The following DLGAP1 variants were observed in gnomAD, a reference collection of about 807,000 sequenced individuals.
The protein encoded by DLGAP1 is DLG associated protein 1.
A neutral mutation model predicts 90.8 loss-of-function variants in DLGAP1; 11 were observed. The ratio of observed to expected loss-of-function variants is 0.12; its 90% CI spans 0.08 to 0.20. The LOEUF is 0.20. Ranked by LOEUF, DLGAP1 falls within the 10% of genes least tolerant of loss-of-function variation. The pLI, the probability that DLGAP1 is intolerant of heterozygous loss-of-function variation, is 1.00. For synonymous variants in DLGAP1, 558 were observed against 540.7 expected, an observed-to-expected ratio of 1.03 and a Z score of -0.44; for missense variants, 1,050 against 1,333.8, an observed-to-expected ratio of 0.79 and a Z score of 3.31.
chr18:3,646,183 C>T (rs1435436356), intron 7 of DLGAP1, among the ~76,000 whole-genome samples: 1 of 152,064 alleles, frequency 6.6e-6, no homozygotes, highest in East Asian at 1.9e-4. Flanking sequence ...ATAGCTTGAA[C>T]CCAGGAGTTT....
chr18:4,255,113 C>T (rs975044457), intron 1 of DLGAP1, among the ~76,000 whole-genome samples: 5 of 152,178 alleles, frequency 3.3e-5, no homozygotes, highest in South Asian at 2.1e-4. Flanking sequence ...TACGTACGCC[C>T]GATTAAAACC....
chr18:3,740,381 C>G (rs1333398796), intron 6 of DLGAP1, among the ~76,000 whole-genome samples: 2 of 152,150 alleles, frequency 1.3e-5, no homozygotes, highest in Non-Finnish European at 2.9e-5. Flanking sequence ...CAAGCAGTAA[C>G]CAGCACGAAT....
intron 1 of DLGAP1, among the ~76,000 whole-genome samples, chr18:4,307,643 G>A (rs509374): frequency 0.49 from 73,681 of 151,328 alleles, 21,043 homozygotes; most frequent in Non-Finnish European, 0.63. Context: ...CAGGCGGCAG[G>A]GCCTGCAGTC....
At chr18:3,658,504 T>C (rs2059577482) in intron 7 of DLGAP1, among the ~76,000 whole-genome samples, 1 of 152,202 alleles carries the variant, frequency 6.6e-6, no homozygotes, top group African/African-American at 2.4e-5. Flanking sequence ...CAAATGGAAG[T>C]AAACTTAGGA....
chr18:4,258,935 C>T (rs572352147), intron 1 of DLGAP1, among the ~76,000 whole-genome samples: 69 of 152,272 alleles, frequency 4.5e-4, no homozygotes, highest in African/African-American at 1.7e-3. Context: ...TAATGCAAAT[C>T]TCATAGAATG....
chr18:4,408,488 ATG>A (rs2082711323), intron 1 of DLGAP1, among the ~76,000 whole-genome samples: 1 of 152,136 alleles, frequency 6.6e-6, no homozygotes, highest in South Asian at 2.1e-4. Flanking sequence ...AAAAAAGAAT[ATG>A]TCAAAATTAC....
chr18:3,827,096 T>TGGGATGTA (rs1398623440), intron 4 of DLGAP1, among the ~76,000 whole-genome samples: 3 of 152,126 alleles, frequency 2.0e-5, no homozygotes, highest in African/African-American at 7.2e-5. Context: ...GTAGGAAGTT[T>TGGGATGTA]GAAATGCCCA....
At chr18:3,703,516 G>C (rs2061343746) in intron 7 of DLGAP1, among the ~76,000 whole-genome samples, 1 of 152,244 alleles carries the variant, frequency 6.6e-6, no homozygotes, top group African/African-American at 2.4e-5. Context: ...GATCTCTGTA[G>C]AAGGAGGAGT....
intron 3 of DLGAP1, among the ~76,000 whole-genome samples, chr18:3,956,777 A>C (rs1006581498): frequency 6.6e-6 from 1 of 152,068 alleles, no homozygotes; most frequent in African/African-American, 2.4e-5. Context: ...CAGCCTCCTG[A>C]ATAGCTGGGA....
intron 1 of DLGAP1, among the ~76,000 whole-genome samples, chr18:4,265,941 G>A (rs1204138280): frequency 6.6e-6 from 1 of 151,716 alleles, no homozygotes; most frequent in African/African-American, 2.4e-5. Flanking sequence ...TCCCTCCTCA[G>A]ACTCCAGAAG....
intron 1 of DLGAP1, among the ~76,000 whole-genome samples, chr18:4,259,844 C>T (rs12162192): frequency 0.31 from 46,972 of 152,072 alleles, 10,028 homozygotes; most frequent in African/African-American, 0.61. Flanking sequence ...CATTTCCAAA[C>T]GCAAAACATC....
chr18:4,191,064 C>G (rs559712762), intron 1 of DLGAP1, among the ~76,000 whole-genome samples: 1 of 152,120 alleles, frequency 6.6e-6, no homozygotes, highest in Non-Finnish European at 1.5e-5. Flanking sequence ...ACCCTCTTAC[C>G]AAAAGTTGCA....
intron 3 of DLGAP1, among the ~76,000 whole-genome samples, chr18:3,958,174 G>C (rs1178686718): frequency 6.6e-6 from 1 of 152,050 alleles, no homozygotes; most frequent in East Asian, 1.9e-4. Flanking sequence ...CTCTCAAAGT[G>C]CTGGGATTAC....
chr18:4,119,351 T>C (rs1042333728), intron 2 of DLGAP1, among the ~76,000 whole-genome samples: 4 of 152,070 alleles, frequency 2.6e-5, no homozygotes, highest in African/African-American at 9.7e-5. Context: ...TCCTCAGCCT[T>C]CCAAAGTGCT....
chr18:3,814,729 A>G (rs565721947), intron 4 of DLGAP1, among the ~76,000 whole-genome samples: 2 of 152,336 alleles, frequency 1.3e-5, no homozygotes, highest in African/African-American at 4.8e-5. Context: ...GATGTGTAAT[A>G]ATCACATCAG....
chr18:4,425,061 G>A, intron 1 of DLGAP1, among the ~76,000 whole-genome samples: 1 of 104,320 alleles, frequency 9.6e-6, no homozygotes, highest in East Asian at 3.4e-4. Flanking sequence ...TTCCTTGGTG[G>A]GGCGGGGGGC....
At chr18:3,631,978 G>A (rs545931368) in intron 7 of DLGAP1, among the ~76,000 whole-genome samples, 2 of 152,036 alleles carry the variant, frequency 1.3e-5, no homozygotes, top group African/African-American at 2.4e-5. Context: ...CAAGTTCTCC[G>A]TTGCCCAAGC....
At chr18:3,923,956 A>G (rs2072324513) in intron 3 of DLGAP1, among the ~76,000 whole-genome samples, 1 of 152,234 alleles carries the variant, frequency 6.6e-6, no homozygotes, top group Non-Finnish European at 1.5e-5. Flanking sequence ...TCACCAAGCA[A>G]TCCTGCTTAC....
At chr18:4,074,525 C>A (rs936948107) in intron 2 of DLGAP1, among the ~76,000 whole-genome samples, 2 of 151,970 alleles carry the variant, frequency 1.3e-5, no homozygotes, top group Non-Finnish European at 2.9e-5. Context: ...ATTTGGAAGG[C>A]AAATCAATTG....
Sources: gnomAD v4.1 joint callset for allele counts (sites outside exome capture counted in the v4.1 genomes callset) on GRCh38, gnomAD v4.1.1 for gene constraint, MANE v1.5 for transcripts, NCBI Gene and HGNC (gene_info 2026-07-23, HGNC 2026-07-21) for gene names.